TEC: variants seen among roughly 807,000 people sequenced by gnomAD.
The protein encoded by TEC is tec protein tyrosine kinase, also known as tyrosine-protein kinase Tec.
A neutral mutation model predicts 93.0 loss-of-function variants in TEC; 72 were observed. The ratio of observed to expected loss-of-function variants is 0.77; its 90% CI spans 0.64 to 0.94. The LOEUF is 0.94. TEC is among the 40% of genes least tolerant of loss of function. The probability of loss-of-function intolerance (pLI) is 0.00; values close to 1 mark genes in which losing one functional copy is unlikely to be tolerated. For missense variants in TEC, 630 were observed against 757.9 expected, an observed-to-expected ratio of 0.83 and a Z score of 1.98; for synonymous variants, 249 against 247.7, an observed-to-expected ratio of 1.01 and a Z score of -0.05.
intron 1 of TEC, among the ~76,000 whole-genome samples, chr4:48,239,905 T>C (rs909837545): frequency 2.0e-5 from 3 of 152,116 alleles, no homozygotes; most frequent in Non-Finnish European, 2.9e-5. Context: ...TTAAGGTTCA[T>C]CGGTAATATT....
chr4:48,213,842 A>C (rs1240690681), intron 2 of TEC, among the ~76,000 whole-genome samples: 1 of 151,956 alleles, frequency 6.6e-6, no homozygotes, highest in Admixed American at 6.6e-5. Context: ...CTAGACGTAA[A>C]CTCTTGGACA....
rs561819101 is a variant in TEC at position 48,172,846 on chromosome 4, C to T, written c.244-1397G>A. On this transcript the variant is annotated intron_variant, in intron 3 of 17. Coordinates refer to ENST00000381501, the MANE Select transcript of TEC (RefSeq NM_003215.3). Reference sequence around the variant, plus strand: ...TCCATGATTTTCACATTTATGCAGGCTTGCCCACACAACCAACTCTGTACA... The same window carrying T: ...TCCATGATTTTCACATTTATGCAGGTTTGCCCACACAACCAACTCTGTACA... Among the ~76,000 whole-genome samples, 5 of 152,294 alleles carry T rather than the reference C, an allele frequency of 3.3e-5. No individual in the cohort carries two copies. In the South Asian group the frequency reaches 1.0e-3, roughly 32 times the overall value.
At chr4:48,157,608 C>T (rs1336011568) in intron 8 of TEC, among the ~76,000 whole-genome samples, 2 of 150,248 alleles carry the variant, frequency 1.3e-5, no homozygotes, top group Non-Finnish European at 2.9e-5. Flanking sequence ...CTCCACCTCC[C>T]AGGTTCAAGC....
At position 48,150,860 on chromosome 4, in the gene TEC, C is replaced by T; in HGVS notation, c.872+3G>A. On this transcript the variant is annotated splice_donor_region_variant and intron_variant, in intron 10 of 17. Coordinates refer to ENST00000381501, the MANE Select transcript of TEC (RefSeq NM_003215.3). ...TATAAAAAAAAATGGCAGGATTACT[C>T]ACCCTCCAAACTTGGTATAAAGGGA... 6.6e-7 allele frequency: 1 copy of T among 1,514,648 alleles called. No individual in the cohort carries two copies. The highest frequency in any genetic ancestry group is 8.8e-7 in the Non-Finnish European group (1 of 1,133,734). The allele number at this position is 1,514,648 out of a possible 1,614,324, so 93.8% of individuals were successfully genotyped here. A position where few individuals can be genotyped will look rare whatever the true frequency, so the allele number is the denominator to read the frequency against.
intron 2 of TEC, among the ~76,000 whole-genome samples, chr4:48,192,514 G>A (rs958328077): frequency 1.3e-5 from 2 of 152,112 alleles, no homozygotes; most frequent in African/African-American, 4.8e-5. Flanking sequence ...GAGCATACCT[G>A]TATAATGCTG....
chr4:48,201,952 AT>A (rs780630248), intron 2 of TEC, among the ~76,000 whole-genome samples: 11,412 of 116,412 alleles, frequency 0.098, 315 homozygotes, highest in Middle Eastern at 0.15. Flanking sequence ...ACTGTGGCTT[AT>A]TTTTTTTTTT....
intron 2 of TEC, among the ~76,000 whole-genome samples, chr4:48,179,548 C>T (rs12499674): frequency 0.25 from 38,028 of 150,600 alleles, 5,357 homozygotes; most frequent in East Asian, 0.57. Flanking sequence ...GCCACCACGC[C>T]CAGCTAAATT....
chr4:48,159,636 C>T (rs1171289679), intron 8 of TEC, among the ~76,000 whole-genome samples: 2 of 151,854 alleles, frequency 1.3e-5, no homozygotes, highest in Admixed American at 1.3e-4. Context: ...GCAACCTGCC[C>T]CTCCTGGGTT....
At chr4:48,142,772 C>T (rs71614019) in intron 14 of TEC, among the ~76,000 whole-genome samples, 1 of 152,070 alleles carries the variant, frequency 6.6e-6, no homozygotes, top group Non-Finnish European at 1.5e-5. Context: ...CCTCCACCTC[C>T]TGGGTTCAAG....
intron 1 of TEC, among the ~76,000 whole-genome samples, chr4:48,238,897 C>T (rs1723857499): frequency 1.3e-5 from 2 of 152,008 alleles, no homozygotes; most frequent in Non-Finnish European, 2.9e-5. Flanking sequence ...GACTCAACTT[C>T]CCTTATGCAT....
At chr4:48,246,323 A>G (rs1724053730) in intron 1 of TEC, among the ~76,000 whole-genome samples, 1 of 152,346 alleles carries the variant, frequency 6.6e-6, no homozygotes, top group South Asian at 2.1e-4. Context: ...GATGAAAGAC[A>G]TGATATTGTT....
intron 2 of TEC, among the ~76,000 whole-genome samples, chr4:48,222,314 C>A (rs941991311): frequency 1.3e-5 from 2 of 152,046 alleles, no homozygotes; most frequent in African/African-American, 4.8e-5. Context: ...ACTTCGTATC[C>A]CAAACTAAGG....
chr4:48,186,653 G>A (rs189047820), intron 2 of TEC, among the ~76,000 whole-genome samples: 6,371 of 150,146 alleles, frequency 0.042, 152 homozygotes, highest in South Asian at 0.062. Context: ...GAGCCCCTGC[G>A]CCTGGCAGCC....
chr4:48,202,360 G>C (rs1396879870), intron 2 of TEC, among the ~76,000 whole-genome samples: 1 of 152,058 alleles, frequency 6.6e-6, no homozygotes, highest in African/African-American at 2.4e-5. Flanking sequence ...GAGGTCAGGA[G>C]TTTGAGACCA....
At chr4:48,171,307 AATG>A (rs1560388178) in intron 4 of TEC, 58 bp downstream of exon 4, 2 of 1,373,196 alleles carry the variant, frequency 1.5e-6, no homozygotes, top group Non-Finnish European at 1.0e-6. Flanking sequence ...TTTCTGTCTT[AATG>A]ATAACAATAT....
intron 1 of TEC, among the ~76,000 whole-genome samples, chr4:48,268,253 T>C (rs908312730): frequency 1.3e-5 from 2 of 152,238 alleles, no homozygotes; most frequent in African/African-American, 2.4e-5. Context: ...AAAATTCTAG[T>C]TGGACCTATG....
chr4:48,154,419 A>AT (rs1388416590), intron 9 of TEC, among the ~76,000 whole-genome samples: 22 of 152,188 alleles, frequency 1.4e-4, no homozygotes, highest in Admixed American at 1.2e-3. Flanking sequence ...CACTTCCTAG[A>AT]TTTTTTACTG....
intron 2 of TEC, among the ~76,000 whole-genome samples, chr4:48,196,743 G>A (rs990133868): frequency 5.3e-5 from 8 of 152,140 alleles, no homozygotes; most frequent in Admixed American, 2.6e-4. Context: ...TAAAATTACA[G>A]GAGGCCGTAA....
rs542253030 is a variant in TEC at position 48,178,343 on chromosome 4, A to T, written c.139-2157T>A. 2.0e-5 allele frequency among the ~76,000 whole-genome samples: 3 copies of T among 152,320 alleles called. No homozygotes were observed. The South Asian group carries it at 6.2e-4, about 32-fold the overall frequency. ...AATTCTTCCTTCTGCAGTTCAAGAA[A>T]ATGCTAAGATTTTACCCTTTTTGCT... On this transcript the variant is annotated intron_variant, in intron 2 of 17. Coordinates refer to ENST00000381501, the MANE Select transcript of TEC (RefSeq NM_003215.3).
Sources: gnomAD v4.1 joint callset for allele counts (sites outside exome capture counted in the v4.1 genomes callset) on GRCh38, gnomAD v4.1.1 for gene constraint, MANE v1.5 for transcripts, NCBI Gene and HGNC (gene_info 2026-07-23, HGNC 2026-07-21) for gene names.